SVEP1: variants seen among roughly 807,000 people sequenced by gnomAD.
The protein encoded by SVEP1 is sushi, von Willebrand factor type A, EGF and pentraxin domain-containing protein 1.
In SVEP1, 164 loss-of-function variants were observed where a neutral mutation model predicts 367.3. The observed-to-expected ratio is 0.45, with a 90% CI of 0.39 to 0.51. The LOEUF is 0.51. SVEP1 is among the 20% of genes least tolerant of loss of function. SVEP1 has a pLI of 0.00. For synonymous variants in SVEP1, 1,666 were observed against 1,611.6 expected (o/e 1.03, Z -0.81); for missense variants, 4,117 against 4,425.3 (o/e 0.93, Z 1.98).
intron 3 of SVEP1, among the ~76,000 whole-genome samples, chr9:110,539,135 AC>A (rs1461055164): frequency 6.6e-6 from 1 of 152,016 alleles, no homozygotes; most frequent in Admixed American, 6.6e-5. Context: ...TTTCTTGAGC[AC>A]TTACTTACTA....
At chr9:110,431,567 T>A (rs189530249) in intron 32 of SVEP1, among the ~76,000 whole-genome samples, 1 of 152,206 alleles carries the variant, frequency 6.6e-6, no homozygotes, top group Non-Finnish European at 1.5e-5. Context: ...ATAGTGAAGA[T>A]GTGATAAAGC....
At chr9:110,491,837 G>C (rs72748865) in intron 8 of SVEP1, among the ~76,000 whole-genome samples, 11,974 of 151,976 alleles carry the variant, frequency 0.079, 649 homozygotes, top group Non-Finnish European at 0.11. Context: ...TAAGAAAAAT[G>C]TTCTAAGATA....
Position 110,375,353 on chromosome 9 carries a change from A to C in SVEP1, c.10600+15T>G, listed in dbSNP as rs904464542. On this transcript the variant is annotated intron_variant, in intron 46 of 47. Coordinates refer to ENST00000374469, the MANE Select transcript of SVEP1 (RefSeq NM_153366.4). ...GCCTGAGCCACCAAGAAAACAAACC[A>C]TGAAAGAGGCCTACCTGTATGACAG... The C allele has an allele frequency of 3.3e-5, 51 of 1,547,520 alleles. No homozygotes were observed. Among genetic ancestry groups the C allele is most frequent in the Non-Finnish European group, 3.9e-5 (45 of 1,145,570 alleles).
chr9:110,514,259 C>A lies in SVEP1; in HGVS notation c.965-153G>T, dbSNP rs535525748. The A allele has an allele frequency of 4.1e-6, 4 of 978,438 alleles. No homozygotes were observed. The South Asian group carries it at 6.3e-5, about 15-fold the overall frequency. 60.6% of individuals were successfully genotyped at this position (978,438 alleles called of 1,614,324 possible). A position where few individuals can be genotyped will look rare whatever the true frequency, so the allele number is the denominator to read the frequency against. On this transcript the variant is annotated intron_variant, in intron 3 of 47. Coordinates refer to ENST00000374469, the MANE Select transcript of SVEP1 (RefSeq NM_153366.4). The stretch of plus-strand genomic sequence containing the variant: ...GGGTGTGGTGGCTCACGCCTGTAAT[C>A]CCTGTACTTTGGGAAGCAGAGGCGG...
At chr9:110,575,779 C>T (rs992391678) in intron 1 of SVEP1, among the ~76,000 whole-genome samples, 3 of 146,174 alleles carry the variant, frequency 2.1e-5, no homozygotes, top group Non-Finnish European at 4.6e-5. Flanking sequence ...AGAGCATTTG[C>T]AAATCAATAA....
At chr9:110,446,771 T>C (rs1463978994) in intron 25 of SVEP1, 129 bp downstream of exon 25, 25 of 697,346 alleles carry the variant, frequency 3.6e-5, no homozygotes, top group Non-Finnish European at 5.0e-5. Flanking sequence ...CTGTGAAGAT[T>C]AAATGAGTAC....
intron 43 of SVEP1, among the ~76,000 whole-genome samples, chr9:110,383,212 CTT>C (rs1290358298): frequency 6.6e-6 from 1 of 152,060 alleles, no homozygotes; most frequent in African/African-American, 2.4e-5. Flanking sequence ...CAGTTTTGAT[CTT>C]TGAGGTTGCT....
chr9:110,518,679 T>C (rs1829839534), intron 3 of SVEP1, among the ~76,000 whole-genome samples: 1 of 152,054 alleles, frequency 6.6e-6, no homozygotes, highest in Admixed American at 6.6e-5. Flanking sequence ...TCCTCCTCTA[T>C]CTCCTTCAAT....
chr9:110,531,906 A>G (rs1830022636), intron 3 of SVEP1, among the ~76,000 whole-genome samples: 1 of 152,172 alleles, frequency 6.6e-6, no homozygotes, highest in African/African-American at 2.4e-5. Context: ...ACATAACATA[A>G]AAGAGATAAA....
rs1372261204 is a variant in SVEP1 at position 110,390,315 on chromosome 9, G to GTA, written c.9823-730_9823-729dup. 2.1e-3 allele frequency among the ~76,000 whole-genome samples: 19 copies of GTA among 9,048 alleles called. 1 individual carries two copies. Among genetic ancestry groups the GTA allele is most frequent in the East Asian group, 0.013 (10 of 742 alleles). 5.9% of individuals were successfully genotyped at this position (9,048 alleles called of 152,430 possible). ...CTTATATATACTTATATAAGTATGTGTATATATACTTATATATACACATAC... is the reference window on the plus strand; with the variant it reads ...CTTATATATACTTATATAAGTATGTGTATATATATACTTATATATACACATAC... On this transcript the variant is annotated intron_variant, in intron 40 of 47. Transcript: ENST00000374469.
chr9:110,491,010 G>GT (rs892443803), intron 8 of SVEP1, among the ~76,000 whole-genome samples: 3 of 151,524 alleles, frequency 2.0e-5, no homozygotes, highest in African/African-American at 2.4e-5. Context: ...TTTGATGGTA[G>GT]TTTTTTTTAT....
chr9:110,412,852 C>A (rs113963827), intron 36 of SVEP1, among the ~76,000 whole-genome samples: 1 of 152,162 alleles, frequency 6.6e-6, no homozygotes, highest in Non-Finnish European at 1.5e-5. Flanking sequence ...TACCATCTCA[C>A]GGCAGTTAGA....
chr9:110,376,162 A>C (rs1827347639), intron 45 of SVEP1, among the ~76,000 whole-genome samples: 1 of 152,232 alleles, frequency 6.6e-6, no homozygotes, highest in African/African-American at 2.4e-5. Flanking sequence ...TTAGCAATGC[A>C]GATATCAGGT....
intron 44 of SVEP1, among the ~76,000 whole-genome samples, chr9:110,378,708 C>T (rs1021151755): frequency 9.6e-5 from 13 of 135,614 alleles, no homozygotes; most frequent in South Asian, 9.0e-4. Flanking sequence ...GGGAATTGAA[C>T]GATGAGAACA....
In SVEP1 at chr9:110,407,657, G is replaced by C. The variant is rs1239308030; in HGVS notation, c.7943C>G (p.Pro2648Arg). ...TGCTCCCAAATGATAAGGAGGGTGAGGAGTCACATATGGAACTTCCATCAT... is the reference window on the plus strand; with the variant it reads ...TGCTCCCAAATGATAAGGAGGGTGACGAGTCACATATGGAACTTCCATCAT... ...DDMMEVPYVT[P>R]HPPYHLGAVA... Residue 2648 changes from proline to arginine, a missense_variant, in exon 38 of 48, where the codon CCT becomes CGT. Transcript: ENST00000374469. 1 of 1,613,992 alleles carries C rather than the reference G, an allele frequency of 6.2e-7. No homozygotes were observed. Among genetic ancestry groups the C allele is most frequent in the East Asian group, 2.2e-5 (1 of 44,876 alleles).
intron 3 of SVEP1, among the ~76,000 whole-genome samples, chr9:110,528,200 T>C (rs187623214): frequency 2.3e-4 from 22 of 97,118 alleles, no homozygotes; most frequent in Admixed American, 2.0e-3. Flanking sequence ...CACATTTTCT[T>C]TAGCCACTCA....
chr9:110,458,104 A>C lies in SVEP1; in HGVS notation c.3576+367T>G. On this transcript the variant is annotated intron_variant, in intron 20 of 47. Transcript: ENST00000374469. Reference sequence around the variant, plus strand: ...AAGAAATTTAAATAATTTTCATGAAAGTTGGGTAACTCTGCCTGCCAATTA... The same window carrying C: ...AAGAAATTTAAATAATTTTCATGAACGTTGGGTAACTCTGCCTGCCAATTA... The C allele has an allele frequency of 6.2e-6, 3 of 486,770 alleles. No individual in the cohort carries two copies. The Middle Eastern group carries it at 9.2e-4, about 149-fold the overall frequency. The allele number at this position is 486,770 out of a possible 1,614,324, so 30.2% of individuals were successfully genotyped here. A position where few individuals can be genotyped will look rare whatever the true frequency, so the allele number is the denominator to read the frequency against.
chr9:110,496,425 G>A (rs1057212796), intron 8 of SVEP1, among the ~76,000 whole-genome samples: 1 of 152,202 alleles, frequency 6.6e-6, no homozygotes. Context: ...CGTGCTGGCT[G>A]CTTCCTGCCC....
intron 40 of SVEP1, among the ~76,000 whole-genome samples, chr9:110,394,077 C>G (rs963188215): frequency 6.6e-6 from 1 of 152,172 alleles, no homozygotes; most frequent in Non-Finnish European, 1.5e-5. Flanking sequence ...GGTCCCTGAC[C>G]CCCGAGTAGC....
Sources: allele counts gnomAD v4.1 joint callset (sites outside exome capture counted in the v4.1 genomes callset), GRCh38; gene constraint gnomAD v4.1.1; transcripts MANE v1.5; gene names NCBI Gene and HGNC (gene_info 2026-07-23, HGNC 2026-07-21).